PTGER3: variants seen among roughly 807,000 people sequenced by gnomAD.
The protein encoded by PTGER3 is prostaglandin E receptor 3.
In PTGER3, 22 loss-of-function variants were observed where a neutral mutation model predicts 34.7. The observed-to-expected ratio is 0.63, with a 90% CI of 0.45 to 0.91. The LOEUF (loss-of-function observed/expected upper bound fraction) is 0.91, where lower values mean the gene tolerates loss of function less well. Among genes scored for constraint, PTGER3 ranks in the 40% least tolerant of loss-of-function variants. PTGER3 has a pLI of 0.00. For synonymous variants in PTGER3, 241 were observed against 230.1 expected (o/e 1.05, Z -0.43); for missense variants, 468 against 519.4 (o/e 0.90, Z 0.96).
intron 1 of PTGER3, among the ~76,000 whole-genome samples, chr1:71,022,203 A>G (rs1053911984): frequency 1.6e-4 from 24 of 151,898 alleles, no homozygotes; most frequent in Non-Finnish European, 3.4e-4. Context: ...TCATCTATCC[A>G]TGTATTGGTA....
intron 1 of PTGER3, among the ~76,000 whole-genome samples, chr1:71,041,185 C>T (rs890855418): frequency 1.6e-4 from 24 of 152,296 alleles, no homozygotes; most frequent in Non-Finnish European, 2.6e-4. Flanking sequence ...GCGTTTAATA[C>T]GTTTAATACA....
chr1:70,900,739 G>A (rs1646818627), intron 4 of PTGER3, among the ~76,000 whole-genome samples: 1 of 152,100 alleles, frequency 6.6e-6, no homozygotes, highest in Admixed American at 6.6e-5. Context: ...ACAGCCTTCT[G>A]TAGAGCACCC....
intron 4 of PTGER3, among the ~76,000 whole-genome samples, chr1:70,905,462 A>G (rs80281502): frequency 6.6e-6 from 1 of 152,346 alleles, no homozygotes; most frequent in Non-Finnish European, 1.5e-5. Context: ...TGTACCCTGC[A>G]GATCCACAGG....
intron 4 of PTGER3, among the ~76,000 whole-genome samples, chr1:70,871,093 A>C (rs1646152473): frequency 1.3e-5 from 2 of 152,196 alleles, no homozygotes; most frequent in South Asian, 4.1e-4. Context: ...GAGACTGGGT[A>C]ATTTATTTTA....
chr1:71,000,418 A>G (rs370114812), intron 2 of PTGER3, among the ~76,000 whole-genome samples: 6 of 152,198 alleles, frequency 3.9e-5, no homozygotes, highest in African/African-American at 1.4e-4. Flanking sequence ...CATTATCACC[A>G]GTTCAAATTT....
At chr1:70,900,072 A>C (rs2100330190) in intron 4 of PTGER3, among the ~76,000 whole-genome samples, 1 of 152,164 alleles carries the variant, frequency 6.6e-6, no homozygotes, top group East Asian at 1.9e-4. Flanking sequence ...AAAAAACCTA[A>C]AGCTACCAAT....
chr1:70,859,724 A>C (rs959189340), intron 4 of PTGER3, among the ~76,000 whole-genome samples: 7 of 152,220 alleles, frequency 4.6e-5, no homozygotes, highest in Admixed American at 3.3e-4. Context: ...ATGCAGAAGG[A>C]GGCTAGCTAT....
At chr1:70,882,781 A>G (rs1412741583) in intron 4 of PTGER3, among the ~76,000 whole-genome samples, 2 of 152,010 alleles carry the variant, frequency 1.3e-5, no homozygotes, top group Non-Finnish European at 2.9e-5. Context: ...CATGTGGGAG[A>G]GGTTCTCCTG....
chr1:71,008,447 G>A, intron 2 of PTGER3: 1 of 895,358 alleles, frequency 1.1e-6, no homozygotes, highest in Non-Finnish European at 1.3e-6. Context: ...AATTATAAAA[G>A]GGAATATATC....
chr1:70,863,868 T>C (rs1011178456), intron 4 of PTGER3, among the ~76,000 whole-genome samples: 4 of 151,986 alleles, frequency 2.6e-5, no homozygotes, highest in Non-Finnish European at 4.4e-5. Flanking sequence ...GAAGATAAAA[T>C]TGGATAATCA....
chr1:70,887,421 T>C (rs1409978), intron 4 of PTGER3, among the ~76,000 whole-genome samples: 28,435 of 152,190 alleles, frequency 0.19, 3,455 homozygotes, highest in Admixed American at 0.34. Flanking sequence ...CTTTCTCTTC[T>C]TTCAACCCAA....
chr1:70,968,064 A>G (rs1218292899), downstream of PTGER3, among the ~76,000 whole-genome samples: 1 of 152,118 alleles, frequency 6.6e-6, no homozygotes, highest in East Asian at 1.9e-4. Flanking sequence ...CCCTGGTCCA[A>G]CCTCTCTTGG....
At chr1:71,046,250 T>C (rs1169001870) in intron 1 of PTGER3, among the ~76,000 whole-genome samples, 88 of 126,228 alleles carry the variant, frequency 7.0e-4, no homozygotes, top group African/African-American at 2.6e-3. Flanking sequence ...TGCGCCACTG[T>C]ACTCCAGCCT....
chr1:70,884,079 TC>T, intron 4 of PTGER3: 1 of 400,480 alleles, frequency 2.5e-6, no homozygotes, highest in Non-Finnish European at 4.9e-6. Context: ...AGAGCAAGAC[TC>T]CATCTCAAAA....
chr1:70,923,374 G>A (rs1211443435), intron 4 of PTGER3, among the ~76,000 whole-genome samples: 2 of 152,158 alleles, frequency 1.3e-5, no homozygotes, highest in East Asian at 1.9e-4. Flanking sequence ...CATATCAATT[G>A]TGGCCTTAAT....
intron 4 of PTGER3, among the ~76,000 whole-genome samples, chr1:70,872,748 A>G (rs1646190060): frequency 6.6e-6 from 1 of 152,244 alleles, no homozygotes; most frequent in African/African-American, 2.4e-5. Flanking sequence ...CTAGAGTGGT[A>G]GAGAATTCAG....
chr1:70,961,018 G>T (rs1253918597), intron 2 of PTGER3, among the ~76,000 whole-genome samples: 1 of 152,142 alleles, frequency 6.6e-6, no homozygotes, highest in East Asian at 1.9e-4. Context: ...GGTCTGGAGT[G>T]GGGTCCCAAT....
chr1:70,860,051 G>C (rs185415678), intron 4 of PTGER3, among the ~76,000 whole-genome samples: 4 of 151,836 alleles, frequency 2.6e-5, no homozygotes, highest in African/African-American at 7.2e-5. Context: ...TAGAGTGGGT[G>C]GGGGGGAGTG....
intron 4 of PTGER3, among the ~76,000 whole-genome samples, chr1:70,946,195 C>T (rs1018317200): frequency 2.0e-5 from 3 of 152,024 alleles, no homozygotes; most frequent in Non-Finnish European, 2.9e-5. Flanking sequence ...CCACATATCA[C>T]TTTTATGAAT....
Sources: allele counts gnomAD v4.1 joint callset (sites outside exome capture counted in the v4.1 genomes callset), GRCh38; gene constraint gnomAD v4.1.1; transcripts MANE v1.5; gene names NCBI Gene and HGNC (gene_info 2026-07-23, HGNC 2026-07-21).